Variants in NXPE2 observed in about 807,000 individuals in gnomAD.
NXPE2 encodes the protein NXPE family member 2.
A neutral mutation model predicts 34.4 loss-of-function variants in NXPE2; 34 were observed. The observed-to-expected ratio is 0.99, with a 90% CI of 0.75 to 1.31. The LOEUF is 1.31. NXPE2 is among the 40% of genes most tolerant of loss of function. The pLI, the probability that NXPE2 is intolerant of heterozygous loss-of-function variation, is 0.00. For missense variants in NXPE2, 649 were observed against 672.5 expected, an observed-to-expected ratio of 0.97 and a Z score of 0.39; for synonymous variants, 235 against 231.3, an observed-to-expected ratio of 1.02 and a Z score of -0.15.
At chr11:114,516,371 A>G in the NXPE2 span, among the ~76,000 whole-genome samples, 3 of 151,902 alleles carry the variant, frequency 2.0e-5, no homozygotes, top group Non-Finnish European at 4.4e-5. Context: ...AACAGATTTA[A>G]CTCTATCCGT....
chr11:114,651,553 C>T, the NXPE2 span, among the ~76,000 whole-genome samples: 18 of 152,200 alleles, frequency 1.2e-4, 1 homozygote, highest in Non-Finnish European at 2.2e-4. Context: ...CCACTGCTGG[C>T]TTTGCTGGCC....
chr11:114,764,759 C>A, the NXPE2 span, among the ~76,000 whole-genome samples: 1 of 152,116 alleles, frequency 6.6e-6, no homozygotes, highest in Non-Finnish European at 1.5e-5. Flanking sequence ...AGTTATGATG[C>A]AATAACAATC....
At chr11:114,794,536 A>G in the NXPE2 span, among the ~76,000 whole-genome samples, 1 of 152,210 alleles carries the variant, frequency 6.6e-6, no homozygotes, top group Non-Finnish European at 1.5e-5. Flanking sequence ...TTGCAAAGCT[A>G]TCAGACTTGC....
At chr11:114,761,187 T>C in the NXPE2 span, among the ~76,000 whole-genome samples, 1 of 152,240 alleles carries the variant, frequency 6.6e-6, no homozygotes, top group Non-Finnish European at 1.5e-5. Context: ...TCCTGACACC[T>C]ACTGCCTTTC....
At chr11:114,708,919 C>T (rs61906868), downstream of NXPE2, among the ~76,000 whole-genome samples, 1,310 of 152,234 alleles carry the variant, frequency 8.6e-3, 13 homozygotes, top group Non-Finnish European at 0.013. Context: ...GTTTTCTTAC[C>T]TTCTCTTCAC....
At chr11:114,605,137 G>T in the NXPE2 span, among the ~76,000 whole-genome samples, 1 of 151,768 alleles carries the variant, frequency 6.6e-6, no homozygotes, top group African/African-American at 2.4e-5. Flanking sequence ...TTGCCTTGTG[G>T]GTAAGCACTG....
the NXPE2 span, among the ~76,000 whole-genome samples, chr11:114,725,978 T>TATATAG: frequency 8.5e-6 from 1 of 118,298 alleles, no homozygotes; most frequent in South Asian, 2.6e-4. Context: ...AAAAAAAAAA[T>TATATAG]ATATATATAT....
the NXPE2 span, among the ~76,000 whole-genome samples, chr11:114,601,979 A>G: frequency 1.3e-5 from 1 of 76,408 alleles, no homozygotes; most frequent in Non-Finnish European, 2.3e-5. Flanking sequence ...ATATTCTGTT[A>G]TATATAATAT....
chr11:114,705,924 A>G lies in NXPE2; in HGVS notation c.1072A>G (p.Arg358Gly), dbSNP rs1357984754. 6 of 1,541,738 alleles carry G rather than the reference A, an allele frequency of 3.9e-6. No homozygotes were observed. The highest frequency in any genetic ancestry group is 2.1e-5 in the Admixed American group (1 of 48,766). The part of the protein sequence containing the change: ...ETKNINDCLE[R>G]KLIYLMGDST... Reference sequence around the variant, plus strand: ...AAAAAATATAAATGACTGCTTGGAAAGAAAACTTATTTATCTCATGGGAGA... The same window carrying G: ...AAAAAATATAAATGACTGCTTGGAAGGAAAACTTATTTATCTCATGGGAGA... The change falls in exon 5 of 6, where the codon AGA (arginine) becomes GGA (glycine). Residue 358 changes from arginine (R) to glycine (G), a missense_variant. Coordinates refer to ENST00000389586, the MANE Select transcript of NXPE2 (RefSeq NM_182495.6).
At chr11:114,532,742 TA>T in the NXPE2 span, among the ~76,000 whole-genome samples, 1 of 152,194 alleles carries the variant, frequency 6.6e-6, no homozygotes, top group Non-Finnish European at 1.5e-5. Context: ...CATATACATA[TA>T]AAAGTATATA....
chr11:114,614,816 T>C, the NXPE2 span, among the ~76,000 whole-genome samples: 4 of 151,998 alleles, frequency 2.6e-5, no homozygotes, highest in Admixed American at 2.0e-4. Context: ...GCCTCGTGGG[T>C]AACCACTGTT....
At chr11:114,503,782 G>A in the NXPE2 span, among the ~76,000 whole-genome samples, 3 of 152,206 alleles carry the variant, frequency 2.0e-5, no homozygotes, top group African/African-American at 7.2e-5. Context: ...CTGCTCTCTA[G>A]TTTGAAAAGG....
At chr11:114,641,526 T>C in the NXPE2 span, among the ~76,000 whole-genome samples, 2 of 152,178 alleles carry the variant, frequency 1.3e-5, 1 homozygote, top group South Asian at 4.1e-4. Flanking sequence ...GAGGGAAATA[T>C]GTAACTGTAC....
the NXPE2 span, among the ~76,000 whole-genome samples, chr11:114,734,096 T>C: frequency 1.3e-5 from 2 of 152,224 alleles, no homozygotes; most frequent in African/African-American, 4.8e-5. Flanking sequence ...GAATTATTAT[T>C]TTAAGTTTCA....
the NXPE2 span, among the ~76,000 whole-genome samples, chr11:114,480,965 A>G: frequency 6.6e-6 from 1 of 152,110 alleles, no homozygotes. Flanking sequence ...TTAATGTTTC[A>G]ACTAGGGGAT....
the NXPE2 span, among the ~76,000 whole-genome samples, chr11:114,743,173 T>C: frequency 2.5e-5 from 3 of 121,986 alleles, no homozygotes; most frequent in African/African-American, 9.9e-5. Context: ...TGGCAACTTA[T>C]ATTAATAGAA....
the NXPE2 span, among the ~76,000 whole-genome samples, chr11:114,547,730 G>C: frequency 6.6e-6 from 1 of 152,140 alleles, no homozygotes; most frequent in Non-Finnish European, 1.5e-5. Flanking sequence ...GCAAGACTCT[G>C]TCTCAAAAAG....
At chr11:114,632,294 T>TCCA in the NXPE2 span, among the ~76,000 whole-genome samples, 2 of 137,688 alleles carry the variant, frequency 1.5e-5, no homozygotes, top group South Asian at 2.2e-4. Context: ...ATGTATATTA[T>TCCA]CCACCACCAC....
At chr11:114,580,434 G>T in the NXPE2 span, 2 of 976,054 alleles carry the variant, frequency 2.0e-6, no homozygotes, top group Non-Finnish European at 3.2e-6. Context: ...CCTAAGAGGG[G>T]GTAAGGTGGT....
Sources: allele counts gnomAD v4.1 joint callset (sites outside exome capture counted in the v4.1 genomes callset), GRCh38; gene constraint gnomAD v4.1.1; transcripts MANE v1.5; gene names NCBI Gene and HGNC (gene_info 2026-07-23, HGNC 2026-07-21).